The following IL31RA variants were observed in gnomAD, a reference collection of about 807,000 sequenced individuals.
The protein encoded by IL31RA is interleukin 31 receptor A, also known as interleukin-31 receptor subunit alpha.
In IL31RA, 66 loss-of-function variants were observed where a neutral mutation model predicts 83.7. The observed-to-expected ratio is 0.79, with a 90% CI of 0.65 to 0.97. IL31RA has a LOEUF of 0.97. Among genes scored for constraint, IL31RA ranks in the 50% least tolerant of loss-of-function variants. The probability of loss-of-function intolerance (pLI) is 0.00; values close to 1 mark genes in which losing one functional copy is unlikely to be tolerated. For synonymous variants in IL31RA, 325 were observed against 329.0 expected (o/e 0.99, Z 0.13); for missense variants, 798 against 919.4 (o/e 0.87, Z 1.71).
At chr5:55,895,400 G>T (rs751889926) in intron 6 of IL31RA, among the ~76,000 whole-genome samples, 2 of 152,166 alleles carry the variant, frequency 1.3e-5, no homozygotes, top group Non-Finnish European at 2.9e-5. Context: ...GACAAAACTT[G>T]CTTGAGACAG....
rs2112602799 is a variant in IL31RA at position 55,918,229 on chromosome 5, T to C, written c.*1109T>C. Among the ~76,000 whole-genome samples the C allele has an allele frequency of 6.6e-6, 1 of 152,174 alleles. No individual in the cohort carries two copies. Among genetic ancestry groups the C allele is most frequent in the South Asian group, 2.1e-4 (1 of 4,824 alleles). On this transcript the variant is annotated 3_prime_UTR_variant, in exon 15 of 15. Transcript: ENST00000652347. ...GGAGGCCACTAGGAGGCTGGTGAGATCAGGGCAGGCGAGGCAATGAGTGAG... is the reference window on the plus strand; with the variant it reads ...GGAGGCCACTAGGAGGCTGGTGAGACCAGGGCAGGCGAGGCAATGAGTGAG...
At chr5:55,888,449 G>A (rs1747777060) in intron 5 of IL31RA, among the ~76,000 whole-genome samples, 1 of 152,170 alleles carries the variant, frequency 6.6e-6, no homozygotes, top group African/African-American at 2.4e-5. Context: ...TGTACGTGAT[G>A]AGAACCACTA....
Position 55,870,210 on chromosome 5 carries a change from C to T in IL31RA, c.272+1302C>T, listed in dbSNP as rs141691414. Among the ~76,000 whole-genome samples, 16 of 152,326 alleles carry T rather than the reference C, an allele frequency of 1.1e-4. No homozygotes were observed. The East Asian group carries it at 3.1e-3, about 29-fold the overall frequency. On this transcript the variant is annotated intron_variant, in intron 3 of 14. Transcript: ENST00000652347. ...GGCTGCTTTCCAACGAAACTTTATC[C>T]ATGGACACTGAAATGTGAATATTAT...
In IL31RA at chr5:55,896,524, T is replaced by TCCTTCCCTTC. The variant is rs757006839; in HGVS notation, c.852+114_852+123dup. The TCCTTCCCTTC allele has an allele frequency of 4.9e-4, 311 of 637,674 alleles. 4 individuals are homozygous for TCCTTCCCTTC. In the African/African-American group the frequency reaches 6.6e-3, roughly 14 times the overall value. 39.5% of individuals were successfully genotyped at this position (637,674 alleles called of 1,614,324 possible). A position where few individuals can be genotyped will look rare whatever the true frequency, so the allele number is the denominator to read the frequency against. The stretch of plus-strand genomic sequence containing the variant: ...TCCCTCCCTTCCATCCCTTCCATCC[T>TCCTTCCCTTC]CCTTCCCTTCCCTTCCCTTCCCTTC... On this transcript the variant is annotated intron_variant, in intron 7 of 14. Coordinates refer to ENST00000652347, the MANE Select transcript of IL31RA (RefSeq NM_139017.7).
chr5:55,881,446 C>T (rs1285883715), intron 4 of IL31RA, among the ~76,000 whole-genome samples: 1 of 152,112 alleles, frequency 6.6e-6, no homozygotes, highest in South Asian at 2.1e-4. Flanking sequence ...GACTTTTCTG[C>T]GCCTTGGGTT....
intron 4 of IL31RA, among the ~76,000 whole-genome samples, chr5:55,880,885 G>C (rs1747166938): frequency 6.6e-6 from 1 of 152,214 alleles, no homozygotes; most frequent in Non-Finnish European, 1.5e-5. Flanking sequence ...GTTACCAGCA[G>C]CAAATCCGTA....
intron 7 of IL31RA, among the ~76,000 whole-genome samples, chr5:55,897,554 A>G (rs1748486404): frequency 6.6e-6 from 1 of 152,130 alleles, no homozygotes; most frequent in Non-Finnish European, 1.5e-5. Context: ...GGCAACATAT[A>G]TGGCACATGT....
At chr5:55,851,990 T>C (rs561596904) in intron 1 of IL31RA, among the ~76,000 whole-genome samples, 1 of 152,198 alleles carries the variant, frequency 6.6e-6, no homozygotes, top group African/African-American at 2.4e-5. Flanking sequence ...TAAATGTATA[T>C]GCTCAATTGG....
intron 11 of IL31RA, 74 bp downstream of exon 11, chr5:55,908,485 C>T (rs1749297936): frequency 5.0e-6 from 8 of 1,613,782 alleles, no homozygotes; most frequent in Middle Eastern, 1.6e-4. Context: ...CTGTTGTAGG[C>T]ATGGCTCCCC....
At chr5:55,866,275 T>C (rs111707048) in intron 2 of IL31RA, among the ~76,000 whole-genome samples, 4 of 152,266 alleles carry the variant, frequency 2.6e-5, no homozygotes, top group South Asian at 2.1e-4. Context: ...TGGTGCTTAG[T>C]GGAACATGAG....
chr5:55,919,196 T>A lies in IL31RA; in HGVS notation c.*2076T>A, dbSNP rs1425709960. Among the ~76,000 whole-genome samples, 1 of 152,140 alleles carries A rather than the reference T, an allele frequency of 6.6e-6. No individual in the cohort carries two copies. The highest frequency in any genetic ancestry group is 1.5e-5 in the Non-Finnish European group (1 of 68,032). On this transcript the variant is annotated 3_prime_UTR_variant, in exon 15 of 15. Transcript: ENST00000652347. ...GAGGGCACGGGTACCCCCACAGCTG[T>A]TCTTTCAACCCTCCTGCCCACCTGT...
At chr5:55,907,623 G>A (rs1749240622) in intron 10 of IL31RA, among the ~76,000 whole-genome samples, 163 bp downstream of exon 10, 1 of 152,194 alleles carries the variant, frequency 6.6e-6, no homozygotes. Flanking sequence ...GAATTCTGAA[G>A]CTGGGGTAGA....
chr5:55,883,057 A>G lies in IL31RA; in HGVS notation c.468A>G (p.Pro156=). 1 of 1,613,994 alleles carries G rather than the reference A, an allele frequency of 6.2e-7. No homozygotes were observed. The highest frequency in any genetic ancestry group is 1.3e-5 in the African/African-American group (1 of 75,040). ...WRLENIAKTE[P]PKIFRVKPVL... ...TTTTATTTTCAGCGAAAACTGAACC[A>G]CCTAAGATTTTCCGTGTGAAACCAG... is the stretch of plus-strand genomic sequence containing the variant. Residue 156 remains proline, a synonymous_variant, in exon 5 of 15, where the codon CCA becomes CCG. Transcript: ENST00000652347.
Position 55,908,249 on chromosome 5 carries a change from CCT to C in IL31RA, c.1355-13_1355-12del, listed in dbSNP as rs1749275112. The C allele has an allele frequency of 1.9e-6, 3 of 1,613,830 alleles. No homozygotes were observed. Among genetic ancestry groups the C allele is most frequent in the Non-Finnish European group, 2.5e-6 (3 of 1,180,038 alleles). On this transcript the variant is annotated splice_polypyrimidine_tract_variant and intron_variant, in intron 10 of 14. Transcript: ENST00000652347. ...TGCGGTTCAGTGATTATCATTTATC[CCT>C]CTGTCCTTTCCAGTTCCATCAGAAG...
chr5:55,922,380 T>C lies in IL31RA; in HGVS notation c.*5260T>C. The C allele has an allele frequency of 3.2e-6, 5 of 1,548,866 alleles. No homozygotes were observed. Among genetic ancestry groups the C allele is most frequent in the Non-Finnish European group, 3.5e-6 (4 of 1,144,964 alleles). On this transcript the variant is annotated 3_prime_UTR_variant, in exon 15 of 15. Transcript: ENST00000652347. Reference sequence around the variant, plus strand: ...CAAGGGAAGTGAGATACTTGTACTATGCATTTCATTTTTAGGACTAGAATT... The same window carrying C: ...CAAGGGAAGTGAGATACTTGTACTACGCATTTCATTTTTAGGACTAGAATT...
chr5:55,891,760 G>GGTTTTTT (rs1201802698), intron 6 of IL31RA, among the ~76,000 whole-genome samples: 1 of 47,896 alleles, frequency 2.1e-5, no homozygotes, highest in Admixed American at 2.1e-4. Context: ...ATTTGGACAA[G>GGTTTTTT]ATTTTTTTTT....
At chr5:55,872,632 AAGGG>A (rs35184348) in intron 4 of IL31RA, among the ~76,000 whole-genome samples, 181 bp downstream of exon 4, 68,625 of 140,672 alleles carry the variant, frequency 0.49, 16,919 homozygotes, top group South Asian at 0.61. Context: ...GGAAGGAAGG[AAGGG>A]AGGGAGGGAG....
chr5:55,896,529 C>CCT (rs1748355294), intron 7 of IL31RA, 100 bp downstream of exon 7: 4 of 582,806 alleles, frequency 6.9e-6, no homozygotes, highest in Admixed American at 5.1e-5. Flanking sequence ...CATCCTCCTT[C>CCT]CCTTCCCTTC....
At chr5:55,906,311 G>T (rs754868338) in intron 9 of IL31RA, 23 bp downstream of exon 9, 29 of 1,610,702 alleles carry the variant, frequency 1.8e-5, no homozygotes, top group Middle Eastern at 1.8e-4. Flanking sequence ...GAACTCACAG[G>T]TTCCCTCAGT....
Sources: allele counts gnomAD v4.1 joint callset (sites outside exome capture counted in the v4.1 genomes callset), GRCh38; gene constraint gnomAD v4.1.1; transcripts MANE v1.5; gene names NCBI Gene and HGNC (gene_info 2026-07-23, HGNC 2026-07-21).